The following APOL1 variants were observed in gnomAD, a reference collection of about 807,000 sequenced individuals.
APOL1 encodes the protein apolipoprotein L1.
APOL1 carries 17 observed loss-of-function variants against 14.9 expected under a neutral mutation model. The ratio of observed to expected loss-of-function variants is 1.14; its 90% CI spans 0.78 to 1.71. The LOEUF is 1.71. APOL1 is among the 40% of genes most tolerant of loss of function. The probability of loss-of-function intolerance (pLI) is 0.00; values close to 1 mark genes in which losing one functional copy is unlikely to be tolerated. For synonymous variants in APOL1, 195 were observed against 184.8 expected, an observed-to-expected ratio of 1.05 and a Z score of -0.45; for missense variants, 523 against 485.9, an observed-to-expected ratio of 1.08 and a Z score of -0.72.
chr22:36,257,376 C>G lies in APOL1; in HGVS notation c.156C>G (p.Leu52=). 1 of 1,614,144 alleles carries G rather than the reference C, an allele frequency of 6.2e-7. No homozygotes were observed. The highest frequency in any genetic ancestry group is 8.5e-7 in the Non-Finnish European group (1 of 1,180,014). The change falls in exon 4 of 6, where the codon CTC becomes CTG. Residue 52 remains leucine, a synonymous_variant. Transcript: ENST00000397278. The part of the protein sequence containing the change: ...TDTGDPQSKP[L]GDWAAGTMDP... The stretch of plus-strand genomic sequence containing the variant: ...CTGGAGATCCTCAAAGTAAGCCCCT[C>G]GGTGACTGGGCTGCTGGCACCATGG...
rs1005971808 is a variant in APOL1, at chr22:36,261,584, C to G, written c.188-12C>G. ...CTTTCCTCCAACCTTATCCTTTCTT[C>G]TTTCCAACTAGAGAGCAGTATCTTT... On this transcript the variant is annotated splice_polypyrimidine_tract_variant and intron_variant, in intron 4 of 5. Transcript: ENST00000397278. 1.2e-6 allele frequency: 2 copies of G among 1,611,586 alleles called. No individual in the cohort carries two copies. The highest frequency in any genetic ancestry group is 1.7e-6 in the Non-Finnish European group (2 of 1,178,138).
intron 5 of APOL1, among the ~76,000 whole-genome samples, chr22:36,263,252 A>ACCC: frequency 6.6e-6 from 1 of 152,194 alleles, no homozygotes; most frequent in Non-Finnish European, 1.5e-5. Flanking sequence ...CAGTGGCCAG[A>ACCC]ACCAGTAGCC....
At chr22:36,257,704 G>C (rs1043144597) in intron 4 of APOL1, 2 of 305,268 alleles carry the variant, frequency 6.6e-6, no homozygotes, top group Admixed American at 4.3e-5. Flanking sequence ...AGCGGGGGGG[G>C]GGGGGAGTGT....
At chr22:36,259,673 A>T (rs2016014331) in intron 4 of APOL1, 5 of 1,297,712 alleles carry the variant, frequency 3.9e-6, no homozygotes, top group Non-Finnish European at 5.1e-6. Context: ...TAACAGGCCC[A>T]GCTGGGTCCA....
In APOL1 at chr22:36,257,405, C is replaced by T. The variant is rs758070693; in HGVS notation, c.185C>T (p.Pro62Leu). The T allele has an allele frequency of 3.1e-6, 5 of 1,613,418 alleles. No individual in the cohort carries two copies. The African/African-American group carries it at 5.3e-5, about 17-fold the overall frequency. ...GACTGGGCTGCTGGCACCATGGACCCAGGTAGGCTCACCTCCTCTTCCCTG... is the reference window on the plus strand; with the variant it reads ...GACTGGGCTGCTGGCACCATGGACCTAGGTAGGCTCACCTCCTCTTCCCTG... ...LGDWAAGTMDPESSIFIEDAI... is the reference protein window; with the variant it reads ...LGDWAAGTMDLESSIFIEDAI... The change falls in exon 4 of 6, where the codon CCA (proline) becomes CTA (leucine). Residue 62 changes from proline to leucine, a missense_variant and splice_region_variant. Coordinates refer to ENST00000397278, the MANE Select transcript of APOL1 (RefSeq NM_003661.4).
At chr22:36,254,013 A>C (rs1462875172) in intron 1 of APOL1, 3 of 1,613,496 alleles carry the variant, frequency 1.9e-6, no homozygotes, top group Non-Finnish European at 2.5e-6. Flanking sequence ...TACAGGAGTG[A>C]GAGCTTAGAT....
At chr22:36,262,519 C>A (rs1001057990) in intron 5 of APOL1, among the ~76,000 whole-genome samples, 1 of 152,174 alleles carries the variant, frequency 6.6e-6, no homozygotes, top group Non-Finnish European at 1.5e-5. Context: ...CCCAGAGAGA[C>A]CGGGATCAGC....
At position 36,257,094 on chromosome 22, in the gene APOL1, T is replaced by A. The variant is rs750385777; in HGVS notation, c.56T>A (p.Leu19His). 6.2e-7 allele frequency: 1 copy of A among 1,614,148 alleles called. No individual in the cohort carries two copies. Among genetic ancestry groups the A allele is most frequent in the Non-Finnish European group, 8.5e-7 (1 of 1,180,010 alleles). Residue 19 changes from leucine to histidine, a missense_variant, in exon 3 of 6, where the codon CTT (leucine) becomes CAT (histidine). Coordinates refer to ENST00000397278, the MANE Select transcript of APOL1 (RefSeq NM_003661.4). ...TCATACCCCAACAGGATGAGTGCAC[T>A]TTTCCTTGGTGTGGGAGTGAGGGCA... is the stretch of plus-strand genomic sequence containing the variant. The part of the protein sequence containing the change: ...VSVLCIWMSA[L>H]FLGVGVRAEE...
chr22:36,257,622 C>T (rs950790161), intron 4 of APOL1: 12 of 557,268 alleles, frequency 2.2e-5, no homozygotes, highest in African/African-American at 1.5e-4. Flanking sequence ...GGCCCAGGTG[C>T]CCACTTCCTC....
At position 36,266,212 on chromosome 22, in the gene APOL1, T is replaced by A; in HGVS notation, c.*179T>A. The A allele has an allele frequency of 1.5e-6, 1 of 653,326 alleles. No homozygotes were observed. The highest frequency in any genetic ancestry group is 3.4e-5 in the Admixed American group (1 of 29,006). 40.5% of individuals were successfully genotyped at this position (653,326 alleles called of 1,614,324 possible). ...TTCAAGCGATTCTCCTGCCTTGGCC[T>A]CCCAAGTAGCTGGGACTACAGGCGC... is the stretch of plus-strand genomic sequence containing the variant. On this transcript the variant is annotated 3_prime_UTR_variant, in exon 6 of 6. Coordinates refer to ENST00000397278, the MANE Select transcript of APOL1 (RefSeq NM_003661.4).
At chr22:36,253,258 C>G (rs1569533553) in intron 1 of APOL1, 39 bp downstream of exon 1, 1 of 376,634 alleles carries the variant, frequency 2.7e-6, no homozygotes, top group Non-Finnish European at 5.3e-6. Flanking sequence ...ATCTTATTCT[C>G]ACAGCTTTTG....
rs117966914 is a variant in APOL1, at chr22:36,266,634, A to G, written c.*601A>G. 0.024 allele frequency: 9,587 copies of G among 394,812 alleles called. 154 individuals are homozygous for G. The highest frequency in any genetic ancestry group is 0.035 in the Non-Finnish European group (7,821 of 223,658). The allele number at this position is 394,812 out of a possible 1,614,324, so 24.5% of individuals were successfully genotyped here. ...AAGAATATATTGGGGGGCCGGGTGT[A>G]GTGGCTCATGCCTGTAATCCGAGCA... On this transcript the variant is annotated 3_prime_UTR_variant, in exon 6 of 6. Coordinates refer to ENST00000397278, the MANE Select transcript of APOL1 (RefSeq NM_003661.4).
chr22:36,264,659 G>A (rs1054847125), intron 5 of APOL1, among the ~76,000 whole-genome samples: 68 of 152,282 alleles, frequency 4.5e-4, no homozygotes, highest in African/African-American at 1.6e-3. Context: ...ATATTGAGGA[G>A]TATCTATGAT....
chr22:36,260,183 A>G (rs1354077658), intron 4 of APOL1, among the ~76,000 whole-genome samples: 2 of 152,224 alleles, frequency 1.3e-5, no homozygotes, highest in African/African-American at 4.8e-5. Context: ...TCACAAGGTC[A>G]GGAGATCGAG....
Position 36,261,720 on chromosome 22 carries a change from C to G in APOL1, c.312C>G (p.Pro104=). ...GATTCGTGGCTGCTGCTGAACTGCC[C>G]AGGTAAGCTCCATGGGGTTACCTCC... ...WNGFVAAAEL[P]RNEADELRKA... is the part of the protein sequence containing the mutation. Residue 104 remains proline (P), a splice_region_variant and synonymous_variant, in exon 5 of 6, where the codon CCC becomes CCG. Coordinates refer to ENST00000397278, the MANE Select transcript of APOL1 (RefSeq NM_003661.4). 1 of 1,613,738 alleles carries G rather than the reference C, an allele frequency of 6.2e-7. No individual in the cohort carries two copies. Among genetic ancestry groups the G allele is most frequent in the Non-Finnish European group, 8.5e-7 (1 of 1,179,742 alleles).
At chr22:36,253,279 G>A (rs1254257440) in intron 1 of APOL1, 60 bp downstream of exon 1, 4 of 342,012 alleles carry the variant, frequency 1.2e-5, no homozygotes, top group South Asian at 2.3e-5. Flanking sequence ...TAGATAAGCT[G>A]GGAGAGGTTA....
intron 1 of APOL1, among the ~76,000 whole-genome samples, chr22:36,254,292 AGAT>A (rs1199201163): frequency 6.6e-6 from 1 of 152,100 alleles, no homozygotes; most frequent in Non-Finnish European, 1.5e-5. Flanking sequence ...CACCAAAAAG[AGAT>A]GATGAAGCCT....
Position 36,265,612 on chromosome 22 carries a change from G to A in APOL1, c.776G>A (p.Gly259Asp). Residue 259 changes from glycine (G) to aspartate (D), a missense_variant, in exon 6 of 6, where the codon GGT becomes GAT. Gly to Asp is a moderately conservative substitution (Grantham distance 94, BLOSUM62 -1). Coordinates refer to ENST00000397278, the MANE Select transcript of APOL1 (RefSeq NM_003661.4). Reference protein sequence around the residue: ...DKLKEVREFLGENISNFLSLA... With the variant: ...DKLKEVREFLDENISNFLSLA... ...TTGAAGGAGGTGAGGGAGTTTTTGGGTGAGAACATATCCAACTTTCTTTCC... is the reference window on the plus strand; with the variant it reads ...TTGAAGGAGGTGAGGGAGTTTTTGGATGAGAACATATCCAACTTTCTTTCC... The A allele has an allele frequency of 1.9e-6, 3 of 1,597,332 alleles. No individual in the cohort carries two copies. Among genetic ancestry groups the A allele is most frequent in the Non-Finnish European group, 2.6e-6 (3 of 1,172,000 alleles).
chr22:36,261,835 C>T, intron 5 of APOL1, 113 bp downstream of exon 5: 1 of 1,334,968 alleles, frequency 7.5e-7, no homozygotes, highest in South Asian at 1.5e-5. Context: ...CTCTGCTGGG[C>T]TTGAGGATGA....
Sources: gnomAD v4.1 joint callset for allele counts (sites outside exome capture counted in the v4.1 genomes callset) on GRCh38, gnomAD v4.1.1 for gene constraint, MANE v1.5 for transcripts, NCBI Gene and HGNC (gene_info 2026-07-23, HGNC 2026-07-21) for gene names.